Variants in INPP5F observed in about 807,000 individuals in gnomAD.
The protein encoded by INPP5F is phosphatidylinositide 4-phosphatase SAC2.
Under a neutral mutation model 137.2 loss-of-function variants are expected in INPP5F, and 97 were observed. That is an observed-to-expected ratio of 0.71 (90% CI 0.60 to 0.84). The LOEUF (loss-of-function observed/expected upper bound fraction) is 0.84. Ranked by LOEUF, INPP5F falls within the 40% of genes least tolerant of loss-of-function variation. INPP5F has a pLI of 0.00. For synonymous variants in INPP5F, 504 were observed against 476.9 expected (o/e 1.06, Z -0.74); for missense variants, 1,271 against 1,371.9 (o/e 0.93, Z 1.16).
chr10:119,743,983 A>G (rs1415818645), intron 1 of INPP5F, among the ~76,000 whole-genome samples: 2 of 152,248 alleles, frequency 1.3e-5, no homozygotes, highest in Non-Finnish European at 2.9e-5. Context: ...CCTCTCTCAA[A>G]AACTAACAGG....
At chr10:119,763,061 A>C (rs1849052629) in intron 2 of INPP5F, among the ~76,000 whole-genome samples, 1 of 152,228 alleles carries the variant, frequency 6.6e-6, no homozygotes, top group Non-Finnish European at 1.5e-5. Context: ...ATGTACTTAG[A>C]AAATACAATG....
chr10:119,794,596 C>T (rs1014686031), intron 6 of INPP5F, among the ~76,000 whole-genome samples: 1 of 151,308 alleles, frequency 6.6e-6, no homozygotes, highest in African/African-American at 2.4e-5. Context: ...GTAGGGGCGG[C>T]CGGGCAAAGG....
chr10:119,784,543 C>G (rs763318735), intron 3 of INPP5F, among the ~76,000 whole-genome samples: 1 of 152,100 alleles, frequency 6.6e-6, no homozygotes, highest in Non-Finnish European at 1.5e-5. Flanking sequence ...GTCACTGTTC[C>G]CAGATTTGCT....
intron 6 of INPP5F, among the ~76,000 whole-genome samples, chr10:119,795,110 C>T (rs1589723629): frequency 7.2e-6 from 1 of 139,692 alleles, no homozygotes; most frequent in African/African-American, 2.7e-5. Context: ...CCGGACGGGG[C>T]GGCTGGCCGG....
At chr10:119,741,817 G>A (rs927723170) in intron 1 of INPP5F, among the ~76,000 whole-genome samples, 1 of 152,012 alleles carries the variant, frequency 6.6e-6, no homozygotes, top group African/African-American at 2.4e-5. Context: ...TTACAGGCGT[G>A]AGCCACCGTG....
intron 6 of INPP5F, among the ~76,000 whole-genome samples, chr10:119,794,943 A>G (rs1276381678): frequency 8.2e-6 from 1 of 121,652 alleles, no homozygotes; most frequent in South Asian, 3.3e-4. Context: ...CTGGCCGGGC[A>G]GAGGGGCTCC....
intron 2 of INPP5F, among the ~76,000 whole-genome samples, chr10:119,757,816 C>T (rs1267290017): frequency 6.6e-6 from 1 of 152,122 alleles, no homozygotes; most frequent in Admixed American, 6.5e-5. Flanking sequence ...TAGTCAATTT[C>T]ATATCACAAT....
chr10:119,804,507 C>T (rs779416948), intron 10 of INPP5F, among the ~76,000 whole-genome samples: 5 of 152,082 alleles, frequency 3.3e-5, no homozygotes, highest in African/African-American at 9.7e-5. Flanking sequence ...TATTTACAGT[C>T]GTTCTGTTCC....
chr10:119,735,379 ATTC>A (rs1291643075), intron 1 of INPP5F, among the ~76,000 whole-genome samples: 1 of 152,152 alleles, frequency 6.6e-6, no homozygotes, highest in Admixed American at 6.5e-5. Context: ...TATGAATCTC[ATTC>A]TTTGAAACAG....
chr10:119,732,060 G>A (rs1319372864), intron 1 of INPP5F, among the ~76,000 whole-genome samples: 1 of 94,554 alleles, frequency 1.1e-5, no homozygotes, highest in Non-Finnish European at 2.1e-5. Context: ...TTTTTTTTTA[G>A]TGTAGACAGC....
At chr10:119,805,668 CA>C (rs1308189303) in intron 11 of INPP5F, among the ~76,000 whole-genome samples, 1 of 152,090 alleles carries the variant, frequency 6.6e-6, no homozygotes, top group East Asian at 1.9e-4. Flanking sequence ...ATGGTCAGGC[CA>C]AATGAAGTGA....
intron 2 of INPP5F, among the ~76,000 whole-genome samples, chr10:119,764,644 C>T (rs867180074): frequency 2.7e-5 from 4 of 149,188 alleles, no homozygotes; most frequent in Non-Finnish European, 4.4e-5. Context: ...TGCAGTGGTG[C>T]GACCTCGGCT....
chr10:119,766,373 G>A (rs1346707141), intron 2 of INPP5F, among the ~76,000 whole-genome samples: 1 of 152,066 alleles, frequency 6.6e-6, no homozygotes, highest in East Asian at 1.9e-4. Flanking sequence ...CCATCACAGG[G>A]TCATTTACGG....
chr10:119,753,602 C>G (rs200760971), intron 2 of INPP5F, among the ~76,000 whole-genome samples: 1 of 152,128 alleles, frequency 6.6e-6, no homozygotes, highest in Non-Finnish European at 1.5e-5. Context: ...TCCTCTCTCT[C>G]CTGGATAACC....
At chr10:119,738,777 A>G (rs1007508802) in intron 1 of INPP5F, among the ~76,000 whole-genome samples, 4 of 152,080 alleles carry the variant, frequency 2.6e-5, no homozygotes, top group African/African-American at 9.7e-5. Context: ...CAGTTACAGT[A>G]CCTGCTTCAG....
chr10:119,798,730 A>G (rs1850478214), intron 9 of INPP5F, 120 bp downstream of exon 9: 2 of 516,980 alleles, frequency 3.9e-6, no homozygotes, highest in Non-Finnish European at 6.5e-6. Context: ...GAAGTTTAAC[A>G]CATTTAAGCT....
intron 1 of INPP5F, among the ~76,000 whole-genome samples, chr10:119,736,385 T>C (rs1233940219): frequency 6.6e-6 from 1 of 152,192 alleles, no homozygotes; most frequent in African/African-American, 2.4e-5. Flanking sequence ...AGGTTAGTCT[T>C]GAACTTCTGG....
At position 119,826,844 on chromosome 10, in the gene INPP5F, A is replaced by T; in HGVS notation, c.2463A>T (p.Lys821Asn). 6.2e-7 allele frequency: 1 copy of T among 1,613,790 alleles called. No homozygotes were observed. Among genetic ancestry groups the T allele is most frequent in the Non-Finnish European group, 8.5e-7 (1 of 1,179,844 alleles). The change falls in exon 20 of 20, where the codon AAA becomes AAT. Residue 821 changes from lysine to asparagine, a missense_variant. Lys to Asn is a moderately conservative substitution (Grantham distance 94). This residue lies in a region of INPP5F where 490 missense variants were observed against 443.7 expected (regional missense o/e 1.10). Coordinates refer to ENST00000650623, the MANE Select transcript of INPP5F (RefSeq NM_014937.4). Reference sequence around the variant, plus strand: ...TTAACTTTCTAAAACCAAACTTAAAAGTAAATCTTTGGAAATCAGATAGTA... The same window carrying T: ...TTAACTTTCTAAAACCAAACTTAAATGTAAATCTTTGGAAATCAGATAGTA... ...MKVNFLKPNL[K>N]VNLWKSDSSL...
At chr10:119,757,404 A>G (rs1848880395) in intron 2 of INPP5F, among the ~76,000 whole-genome samples, 2 of 151,920 alleles carry the variant, frequency 1.3e-5, no homozygotes, top group Non-Finnish European at 2.9e-5. Flanking sequence ...AGTAGGAGGG[A>G]TGTGTAATGC....
Sources: allele counts gnomAD v4.1 joint callset (sites outside exome capture counted in the v4.1 genomes callset), GRCh38; gene constraint gnomAD v4.1.1; regional missense constraint gnomAD v4.1.1; transcripts MANE v1.5; gene names NCBI Gene and HGNC (gene_info 2026-07-23, HGNC 2026-07-21).